Variants in ATXN1 observed in about 807,000 individuals in gnomAD.
ATXN1 encodes the protein ataxin 1.
ATXN1 carries 8 observed loss-of-function variants against 56.4 expected under a neutral mutation model. The observed-to-expected ratio is 0.14, with a 90% CI of 0.08 to 0.26. ATXN1 has a LOEUF of 0.26. Ranked by LOEUF, ATXN1 falls within the 10% of genes least tolerant of loss-of-function variation. The probability of loss-of-function intolerance (pLI) is 1.00; values close to 1 mark genes in which losing one functional copy is unlikely to be tolerated. For synonymous variants in ATXN1, 514 were observed against 494.6 expected (o/e 1.04, Z -0.52); for missense variants, 987 against 1,106.5 (o/e 0.89, Z 1.53).
chr6:16,612,467 A>G (rs1277403147), intron 3 of ATXN1, among the ~76,000 whole-genome samples: 1 of 152,232 alleles, frequency 6.6e-6, no homozygotes, highest in Non-Finnish European at 1.5e-5. Context: ...TAAATTATGG[A>G]ATCACAGACT....
chr6:16,548,270 C>A (rs1231969702), intron 4 of ATXN1, among the ~76,000 whole-genome samples: 1 of 152,172 alleles, frequency 6.6e-6, no homozygotes, highest in Non-Finnish European at 1.5e-5. Flanking sequence ...GGGCACTTCC[C>A]ATGAATGGAG....
chr6:16,474,076 T>C (rs1030950920), intron 6 of ATXN1, among the ~76,000 whole-genome samples: 21 of 152,200 alleles, frequency 1.4e-4, no homozygotes, highest in African/African-American at 4.6e-4. Flanking sequence ...ATGATCTGGC[T>C]TTTTCTTCAT....
rs141629115 is a variant in ATXN1, at chr6:16,658,277, A to T, written c.-614-376T>A. On this transcript the variant is annotated intron_variant, in intron 2 of 7. Coordinates refer to ENST00000436367, the MANE Select transcript of ATXN1 (RefSeq NM_001128164.2). ...GATTAAAGACTGATGTGCAGTATCA[A>T]GGGCAGAAAGTGAAGAAAGTTTGCT... Among the ~76,000 whole-genome samples the T allele has an allele frequency of 2.0e-5, 3 of 152,362 alleles. No individual in the cohort carries two copies. In the East Asian group the frequency reaches 5.8e-4, roughly 29 times the overall value.
At chr6:16,621,596 C>T (rs1455171865) in intron 3 of ATXN1, among the ~76,000 whole-genome samples, 1 of 152,098 alleles carries the variant, frequency 6.6e-6, no homozygotes, top group Non-Finnish European at 1.5e-5. Context: ...TGGTGCACAC[C>T]TGTAATCCCA....
At chr6:16,355,545 G>A (rs892395239) in intron 6 of ATXN1, among the ~76,000 whole-genome samples, 1 of 147,048 alleles carries the variant, frequency 6.8e-6, no homozygotes, top group African/African-American at 2.5e-5. Flanking sequence ...CTTCCTGCAG[G>A]AATACTCACC....
chr6:16,453,227 G>A (rs764348227), intron 6 of ATXN1, among the ~76,000 whole-genome samples: 1 of 152,112 alleles, frequency 6.6e-6, no homozygotes, highest in Non-Finnish European at 1.5e-5. Flanking sequence ...TTGGGATGCC[G>A]AGGCGGGTGG....
intron 6 of ATXN1, among the ~76,000 whole-genome samples, chr6:16,343,289 A>G (rs1284795115): frequency 2.6e-5 from 4 of 152,184 alleles, no homozygotes; most frequent in Non-Finnish European, 5.9e-5. Context: ...GCTTGCAGTG[A>G]GCTGAGATCG....
chr6:16,518,407 T>C (rs1761226268), intron 5 of ATXN1, among the ~76,000 whole-genome samples: 2 of 152,320 alleles, frequency 1.3e-5, no homozygotes, highest in African/African-American at 4.8e-5. Context: ...TTTGGGCCTC[T>C]TTCTCCTTCC....
intron 6 of ATXN1, among the ~76,000 whole-genome samples, chr6:16,460,713 A>G (rs1759975597): frequency 6.6e-6 from 1 of 152,168 alleles, no homozygotes; most frequent in African/African-American, 2.4e-5. Flanking sequence ...CCCTTAGCTA[A>G]TCCTGACCTT....
intron 6 of ATXN1, chr6:16,433,046 C>T (rs991471220): frequency 3.3e-5 from 5 of 152,142 alleles, no homozygotes; most frequent in African/African-American, 7.2e-5. Flanking sequence ...CGCAACAATA[C>T]AATGAATAGG....
intron 4 of ATXN1, among the ~76,000 whole-genome samples, chr6:16,543,013 T>G (rs1581833674): frequency 1.3e-5 from 2 of 148,676 alleles, no homozygotes; most frequent in East Asian, 2.0e-4. Context: ...AGATGGGGGG[T>G]GGGGGGAACT....
intron 6 of ATXN1, among the ~76,000 whole-genome samples, chr6:16,482,484 G>A (rs890305720): frequency 1.3e-5 from 2 of 152,166 alleles, no homozygotes; most frequent in African/African-American, 2.4e-5. Flanking sequence ...GTAGATCAGG[G>A]AAGGCTGCTT....
At chr6:16,331,104 G>T (rs367970456) in intron 6 of ATXN1, among the ~76,000 whole-genome samples, 8 of 152,088 alleles carry the variant, frequency 5.3e-5, no homozygotes, top group African/African-American at 1.9e-4. Context: ...GGGTTCAAGC[G>T]ATTCTCCTGC....
At chr6:16,660,396 G>T (rs1323180788) in intron 2 of ATXN1, among the ~76,000 whole-genome samples, 2 of 152,172 alleles carry the variant, frequency 1.3e-5, no homozygotes, top group Non-Finnish European at 2.9e-5. Context: ...TTTCCAATTT[G>T]ATAGACATTT....
intron 6 of ATXN1, among the ~76,000 whole-genome samples, chr6:16,468,477 C>A (rs895054447): frequency 1.3e-5 from 2 of 152,224 alleles, no homozygotes; most frequent in African/African-American, 4.8e-5. Context: ...GCGTGAGCCA[C>A]CATGCCTGGC....
intron 3 of ATXN1, among the ~76,000 whole-genome samples, chr6:16,606,867 T>TTGTGTGTGTTTGTGTGTGTGTGTGTGTG (rs1554119514): frequency 4.8e-4 from 61 of 126,810 alleles, no homozygotes; most frequent in Middle Eastern, 3.9e-3. Context: ...GTTCCATGAG[T>TTGTGTGTGTTTGTGTGTGTGTGTGTGTG]TGTGTGTGTG....
At chr6:16,312,522 G>A (rs1405008317) in intron 7 of ATXN1, among the ~76,000 whole-genome samples, 1 of 151,670 alleles carries the variant, frequency 6.6e-6, no homozygotes, top group East Asian at 1.9e-4. Flanking sequence ...GATTAAAGGG[G>A]AAGTATATAA....
rs369907304 is a variant in ATXN1 at position 16,306,146 on chromosome 6, C to G, written c.*183G>C. On this transcript the variant is annotated 3_prime_UTR_variant, in exon 8 of 8. Coordinates refer to ENST00000436367, the MANE Select transcript of ATXN1 (RefSeq NM_001128164.2). This position sits in a 1 kb window ranked among gnomAD's most constrained non-coding sequence, Gnocchi z 5.2. Reference sequence around the variant, plus strand: ...TCCCGCCCGCTCACTGACAGACACTCGTGGAAAAAGCATATGCACCAGTCT... The same window carrying G: ...TCCCGCCCGCTCACTGACAGACACTGGTGGAAAAAGCATATGCACCAGTCT... 2 of 714,056 alleles carry G rather than the reference C, an allele frequency of 2.8e-6. No homozygotes were observed. Among genetic ancestry groups the G allele is most frequent in the Admixed American group, 6.3e-5 (2 of 31,660 alleles). 44.2% of individuals were successfully genotyped at this position (714,056 alleles called of 1,614,324 possible). A position where few individuals can be genotyped will look rare whatever the true frequency, so the allele number is the denominator to read the frequency against.
chr6:16,631,303 T>C (rs1389170192), intron 3 of ATXN1, among the ~76,000 whole-genome samples: 1 of 152,206 alleles, frequency 6.6e-6, no homozygotes, highest in African/African-American at 2.4e-5. Context: ...TTCATGAATA[T>C]AATGTTTCAC....
Sources: allele counts gnomAD v4.1 joint callset (sites outside exome capture counted in the v4.1 genomes callset), GRCh38; gene constraint gnomAD v4.1.1; non-coding constraint Gnocchi (gnomAD v3.1); transcripts MANE v1.5; gene names NCBI Gene and HGNC (gene_info 2026-07-23, HGNC 2026-07-21).